Variants in CNPY1 observed in about 807,000 individuals in gnomAD.
CNPY1 encodes protein canopy homolog 1.
A neutral mutation model predicts 14.4 loss-of-function variants in CNPY1; 14 were observed. That is an observed-to-expected ratio of 0.97 (90% CI 0.64 to 1.52). CNPY1 has a LOEUF of 1.52. CNPY1 is among the 40% of genes most tolerant of loss of function. CNPY1 has a pLI of 0.00. For missense variants in CNPY1, 129 were observed against 131.5 expected, an observed-to-expected ratio of 0.98 and a Z score of 0.09; for synonymous variants, 43 against 46.5, an observed-to-expected ratio of 0.92 and a Z score of 0.31.
At chr7:155,524,661 C>G (rs1404566118) in intron 2 of CNPY1, among the ~76,000 whole-genome samples, 5 of 152,158 alleles carry the variant, frequency 3.3e-5, no homozygotes, top group Non-Finnish European at 7.3e-5. Flanking sequence ...AAGCTCAGGG[C>G]TCCCACTGAT....
Position 155,503,049 on chromosome 7 carries a change from G to T in CNPY1, c.*19C>A. On this transcript the variant is annotated 3_prime_UTR_variant, in exon 5 of 5. Coordinates refer to ENST00000636446, the MANE Select transcript of CNPY1 (RefSeq NM_001393663.1). Reference sequence around the variant, plus strand: ...TGGGTGTGACTTTACTCCTCTCTACGACCAGCAGAACGGCACTCCTAGAGC... The same window carrying T: ...TGGGTGTGACTTTACTCCTCTCTACTACCAGCAGAACGGCACTCCTAGAGC... The T allele has an allele frequency of 6.2e-7, 1 of 1,606,024 alleles. No homozygotes were observed.
At position 155,508,930 on chromosome 7, in the gene CNPY1, A is replaced by C; in HGVS notation, c.267T>G (p.Tyr89Ter). The change falls in exon 3 of 5, where the codon TAT becomes TAG. Residue 89 changes from tyrosine to a stop codon, truncating the protein, a stop_gained. Coordinates refer to ENST00000636446, the MANE Select transcript of CNPY1 (RefSeq NM_001393663.1). LOFTEE classifies it high-confidence loss of function. The stretch of plus-strand genomic sequence containing the variant: ...AAGGTCTGTAAGCATCAGAATAAAA[A>C]TACAATTTTTTAAATTCTTGGTATA... Reference protein sequence around the residue: ...DKIYQEFKKLYFYSDAYRPLK... With the variant: ...DKIYQEFKKL 1 of 1,613,838 alleles carries C rather than the reference A, an allele frequency of 6.2e-7. No individual in the cohort carries two copies. The highest frequency in any genetic ancestry group is 8.5e-7 in the Non-Finnish European group (1 of 1,179,892).
chr7:155,524,916 AG>A (rs1796792600), intron 2 of CNPY1, among the ~76,000 whole-genome samples: 1 of 152,190 alleles, frequency 6.6e-6, no homozygotes, highest in East Asian at 1.9e-4. Flanking sequence ...AAGGGGCCCA[AG>A]GGAAGATTCA....
intron 2 of CNPY1, among the ~76,000 whole-genome samples, chr7:155,535,417 A>T (rs971393718): frequency 1.3e-5 from 2 of 152,182 alleles, no homozygotes; most frequent in African/African-American, 4.8e-5. Context: ...GAGATGGGAG[A>T]AGCCAAGAGC....
chr7:155,543,164 A>T (rs1197342162), intron 2 of CNPY1, among the ~76,000 whole-genome samples: 1 of 152,264 alleles, frequency 6.6e-6, no homozygotes, highest in East Asian at 1.9e-4. Flanking sequence ...AGGAGAAAAA[A>T]GCAGGCAAGG....
chr7:155,545,283 C>T (rs1199055153), intron 2 of CNPY1, among the ~76,000 whole-genome samples: 1 of 152,206 alleles, frequency 6.6e-6, no homozygotes, highest in African/African-American at 2.4e-5. Flanking sequence ...ATGGGTCCCG[C>T]CTGGTGTCTT....
At chr7:155,519,798 C>G (rs1796684823) in intron 2 of CNPY1, among the ~76,000 whole-genome samples, 1 of 152,136 alleles carries the variant, frequency 6.6e-6, no homozygotes, top group African/African-American at 2.4e-5. Flanking sequence ...CAGCCTTCAC[C>G]CACATGTAGC....
chr7:155,533,836 A>C (rs927860080), intron 2 of CNPY1: 1 of 152,172 alleles, frequency 6.6e-6, no homozygotes, highest in Non-Finnish European at 1.5e-5. Flanking sequence ...CTCTCCCGGC[A>C]TTGTTTCAGC....
chr7:155,531,453 T>C (rs1796935273), intron 2 of CNPY1, among the ~76,000 whole-genome samples: 1 of 152,120 alleles, frequency 6.6e-6, no homozygotes, highest in Non-Finnish European at 1.5e-5. Context: ...ATTTAGAAGT[T>C]TTAAAACAGT....
At chr7:155,526,145 G>A (rs1341687482) in intron 2 of CNPY1, among the ~76,000 whole-genome samples, 2 of 152,206 alleles carry the variant, frequency 1.3e-5, no homozygotes, top group African/African-American at 2.4e-5. Context: ...TTCAGAAGGT[G>A]TGAGAGAATA....
chr7:155,534,653 C>G (rs1330789437), intron 2 of CNPY1, among the ~76,000 whole-genome samples: 1 of 152,198 alleles, frequency 6.6e-6, no homozygotes, highest in Non-Finnish European at 1.5e-5. Context: ...GTGGCAGGTC[C>G]GGGCAATTCA....
intron 2 of CNPY1, among the ~76,000 whole-genome samples, chr7:155,528,571 T>C (rs1019753372): frequency 6.6e-6 from 1 of 152,200 alleles, no homozygotes; most frequent in African/African-American, 2.4e-5. Context: ...CTCAGAAATG[T>C]CAGCTGGACC....
intron 2 of CNPY1, among the ~76,000 whole-genome samples, chr7:155,541,783 A>T (rs1305145032): frequency 6.6e-6 from 1 of 152,168 alleles, no homozygotes; most frequent in African/African-American, 2.4e-5. Flanking sequence ...CCTTCCCAGG[A>T]AGGGAAGTCT....
At chr7:155,538,880 G>A (rs1246797799) in intron 2 of CNPY1, among the ~76,000 whole-genome samples, 2 of 152,212 alleles carry the variant, frequency 1.3e-5, no homozygotes, top group Non-Finnish European at 2.9e-5. Context: ...CTCTGGGTCA[G>A]AGTGTGAGCT....
Position 155,507,117 on chromosome 7 carries a change from C to T in CNPY1, c.304-1G>A. 14 of 1,572,932 alleles carry T rather than the reference C, an allele frequency of 8.9e-6. No homozygotes were observed. Among genetic ancestry groups the T allele is most frequent in the Non-Finnish European group, 1.2e-5 (14 of 1,144,258 alleles). On this transcript the variant is annotated splice_acceptor_variant, in intron 3 of 4. Transcript: ENST00000636446. LOFTEE classifies it high-confidence loss of function. ...CATACTCTTCTATTATAGTTTCACA[C>T]TGTAGAAACATAATAACAACATATG...
chr7:155,527,849 C>T (rs1796857629), intron 2 of CNPY1, among the ~76,000 whole-genome samples: 1 of 152,212 alleles, frequency 6.6e-6, no homozygotes, highest in South Asian at 2.1e-4. Flanking sequence ...TGGAAAGCCA[C>T]ACACAGGGGT....
intron 2 of CNPY1, among the ~76,000 whole-genome samples, chr7:155,511,037 G>A (rs1248359382): frequency 2.6e-5 from 4 of 152,206 alleles, no homozygotes; most frequent in Admixed American, 1.3e-4. Context: ...TGTCAACAGA[G>A]TAGCATTTTA....
intron 2 of CNPY1, among the ~76,000 whole-genome samples, chr7:155,542,430 C>G (rs1797095099): frequency 6.6e-6 from 1 of 152,202 alleles, no homozygotes; most frequent in African/African-American, 2.4e-5. Flanking sequence ...TGGAAAGGCT[C>G]TTCATGGAGA....
At chr7:155,528,462 T>C (rs1563093914) in intron 2 of CNPY1, among the ~76,000 whole-genome samples, 1 of 152,220 alleles carries the variant, frequency 6.6e-6, no homozygotes, top group Admixed American at 6.5e-5. Context: ...GGGGATCAGC[T>C]GCTGCCAATG....
Sources: gnomAD v4.1 joint callset for allele counts (sites outside exome capture counted in the v4.1 genomes callset) on GRCh38, gnomAD v4.1.1 for gene constraint, MANE v1.5 for transcripts, NCBI Gene and HGNC (gene_info 2026-07-23, HGNC 2026-07-21) for gene names.